The following RMND1 variants were observed in gnomAD, a reference collection of about 807,000 sequenced individuals.
RMND1 encodes the protein required for meiotic nuclear division protein 1 homolog.
In RMND1, 41 loss-of-function variants were observed where a neutral mutation model predicts 54.0. That is an observed-to-expected ratio of 0.76 (90% CI 0.59 to 0.98). The LOEUF (loss-of-function observed/expected upper bound fraction) is 0.98. RMND1 is among the 50% of genes least tolerant of loss of function. The pLI, the probability that RMND1 is intolerant of heterozygous loss-of-function variation, is 0.00. For synonymous variants in RMND1, 183 were observed against 181.7 expected (o/e 1.01, Z -0.06); for missense variants, 457 against 532.0 (o/e 0.86, Z 1.39).
At chr6:151,413,815 C>G in intron 10 of RMND1, 1 of 152,220 alleles carries the variant, frequency 6.6e-6, no homozygotes, top group East Asian at 1.9e-4. Context: ...TAAACCATCA[C>G]TAATCAATCT....
At chr6:151,436,602 ATCT>A in intron 2 of RMND1, 48 bp from the exon 3 acceptor site, 1 of 1,600,362 alleles carries the variant, frequency 6.2e-7, no homozygotes, top group Non-Finnish European at 8.5e-7. Flanking sequence ...AGGCTGAAGC[ATCT>A]GTGACGGCTG....
intron 2 of RMND1, among the ~76,000 whole-genome samples, chr6:151,440,271 A>G (rs1415883078): frequency 6.6e-6 from 1 of 152,204 alleles, no homozygotes; most frequent in African/African-American, 2.4e-5. Flanking sequence ...ATTATTTTAA[A>G]TCAAGGTAAA....
chr6:151,422,484 C>T (rs1464924087), intron 8 of RMND1, 57 bp downstream of exon 8: 4 of 886,040 alleles, frequency 4.5e-6, no homozygotes, highest in Non-Finnish European at 6.8e-6. Context: ...TTGGGAAATT[C>T]ATATTTTTTA....
At chr6:151,443,970 T>TAAA (rs1780870031) in intron 2 of RMND1, among the ~76,000 whole-genome samples, 1 of 152,246 alleles carries the variant, frequency 6.6e-6, no homozygotes, top group Non-Finnish European at 1.5e-5. Flanking sequence ...GTGAAAGTAT[T>TAAA]TATTATCTCA....
At chr6:151,416,688 T>C (rs1780017352) in intron 10 of RMND1, 1 of 152,194 alleles carries the variant, frequency 6.6e-6, no homozygotes, top group Non-Finnish European at 1.5e-5. Flanking sequence ...CCTCCCAAAG[T>C]GCTGGGATTT....
intron 9 of RMND1, among the ~76,000 whole-genome samples, chr6:151,420,184 T>C (rs1306323678): frequency 6.6e-6 from 1 of 152,172 alleles, no homozygotes; most frequent in Non-Finnish European, 1.5e-5. Context: ...TCTGCTTGCA[T>C]GACCAAGAGA....
intron 7 of RMND1, 98 bp downstream of exon 7, chr6:151,423,427 T>C: frequency 1.3e-6 from 1 of 759,562 alleles, no homozygotes; most frequent in Non-Finnish European, 2.3e-6. Context: ...TAAGGCTTTG[T>C]TGAGTATTCT....
chr6:151,447,639 C>G (rs1053485292), intron 1 of RMND1, among the ~76,000 whole-genome samples: 6 of 152,150 alleles, frequency 3.9e-5, no homozygotes, highest in African/African-American at 1.4e-4. Context: ...CTTCCAAAAT[C>G]CCTTCAAAAG....
At chr6:151,425,990 C>G (rs1442933263) in intron 6 of RMND1, among the ~76,000 whole-genome samples, 3 of 148,446 alleles carry the variant, frequency 2.0e-5, no homozygotes. Context: ...GTTGCACAGG[C>G]TGGAGTGCAG....
At position 151,405,282 on chromosome 6, in the gene RMND1, TGA is replaced by T; in HGVS notation, c.1318-17_1318-16del. On this transcript the variant is annotated splice_polypyrimidine_tract_variant and intron_variant, in intron 11 of 11. Transcript: ENST00000444024. ...TCAAACATTACCTTAGAATAGAAAG[TGA>T]GAATTATTTCATGACGGGCAAATTA... The T allele has an allele frequency of 1.2e-6, 2 of 1,610,712 alleles. No homozygotes were observed. Among genetic ancestry groups the T allele is most frequent in the Non-Finnish European group, 1.7e-6 (2 of 1,177,302 alleles).
intron 2 of RMND1, among the ~76,000 whole-genome samples, chr6:151,444,120 G>A (rs1780876624): frequency 6.6e-6 from 1 of 152,188 alleles, no homozygotes; most frequent in Admixed American, 6.5e-5. Flanking sequence ...AAATAGCCTA[G>A]GGACATCTCT....
At chr6:151,411,728 G>A (rs1214606515) in intron 10 of RMND1, 1 of 152,204 alleles carries the variant, frequency 6.6e-6, no homozygotes, top group African/African-American at 2.4e-5. Flanking sequence ...TAACGTTCTC[G>A]TCTAAGCTGA....
At chr6:151,437,489 C>G (rs1780646479) in intron 2 of RMND1, among the ~76,000 whole-genome samples, 1 of 152,220 alleles carries the variant, frequency 6.6e-6, no homozygotes. Context: ...AAAAGAGTAT[C>G]AGAATAACAA....
Position 151,445,394 on chromosome 6 carries a change from C to G in RMND1, c.418G>C (p.Asp140His), listed in dbSNP as rs1321946831. 9.3e-6 allele frequency: 15 copies of G among 1,613,980 alleles called. No homozygotes were observed. The highest frequency in any genetic ancestry group is 1.3e-5 in the Non-Finnish European group (15 of 1,179,870). The change falls in exon 2 of 12, where the codon GAC (aspartate) becomes CAC (histidine). Residue 140 changes from aspartate (D) to histidine (H), a missense_variant. Transcript: ENST00000444024. The part of the protein sequence containing the change: ...VSTETFVPKQ[D>H]FPQVKRPLKA... ...AGTGGTCTCTTCACCTGTGGGAAGTCTTGTTTTGGAACAAATGTTTCCGTT... is the reference window on the plus strand; with the variant it reads ...AGTGGTCTCTTCACCTGTGGGAAGTGTTGTTTTGGAACAAATGTTTCCGTT...
intron 6 of RMND1, among the ~76,000 whole-genome samples, chr6:151,424,804 GAAA>G (rs1450504184): frequency 6.6e-6 from 1 of 151,984 alleles, no homozygotes; most frequent in Non-Finnish European, 1.5e-5. Context: ...CAAGCAAATG[GAAA>G]AAAGACAGGG....
intron 6 of RMND1, among the ~76,000 whole-genome samples, chr6:151,424,520 T>C (rs1053406497): frequency 5.3e-5 from 8 of 151,160 alleles, no homozygotes; most frequent in Non-Finnish European, 1.2e-4. Context: ...AAACCAAATG[T>C]TCAGTAGGGG....
chr6:151,422,635 CTTT>C, intron 7 of RMND1, 30 bp from the exon 8 acceptor site: 1 of 1,134,854 alleles, frequency 8.8e-7, no homozygotes. Flanking sequence ...TGGAACATTT[CTTT>C]ATCATCATAT....
intron 2 of RMND1, among the ~76,000 whole-genome samples, chr6:151,440,991 G>A (rs1422106277): frequency 2.0e-5 from 3 of 151,068 alleles, no homozygotes; most frequent in Non-Finnish European, 4.4e-5. Context: ...TTAAATAGAT[G>A]TGTCAAACCA....
At chr6:151,410,811 A>T (rs938329659) in intron 10 of RMND1, among the ~76,000 whole-genome samples, 1 of 152,220 alleles carries the variant, frequency 6.6e-6, no homozygotes, top group South Asian at 2.1e-4. Flanking sequence ...AACGAAAGAT[A>T]ACCGTTTTTA....
Sources: gnomAD v4.1 joint callset for allele counts (sites outside exome capture counted in the v4.1 genomes callset) on GRCh38, gnomAD v4.1.1 for gene constraint, MANE v1.5 for transcripts, NCBI Gene and HGNC (gene_info 2026-07-23, HGNC 2026-07-21) for gene names.